The following MROH1 variants were observed in gnomAD, a reference collection of about 807,000 sequenced individuals.
MROH1 encodes maestro heat-like repeat-containing protein family member 1.
In MROH1, 117 loss-of-function variants were observed where a neutral mutation model predicts 116.5. That is an observed-to-expected ratio of 1.00 (90% confidence interval 0.86 to 1.17). The LOEUF (loss-of-function observed/expected upper bound fraction) is 1.17. MROH1 is among the 50% of genes most tolerant of loss of function. The pLI is 0.00. For synonymous variants in MROH1, 921 were observed against 583.9 expected (o/e 1.58, Z -8.32); for missense variants, 1,873 against 1,338.5 (o/e 1.40, Z -6.23).
chr8:144,162,473 G>C (rs1161173769), intron 2 of MROH1, among the ~76,000 whole-genome samples: 2 of 150,744 alleles, frequency 1.3e-5, no homozygotes, highest in Non-Finnish European at 3.0e-5. Flanking sequence ...TCGGTTCACT[G>C]TAACCTCCGC....
At chr8:144,164,399 G>A (rs116559383) in intron 3 of MROH1, among the ~76,000 whole-genome samples, 5,690 of 146,722 alleles carry the variant, frequency 0.039, 148 homozygotes, top group Non-Finnish European at 0.061. Context: ...AGTGAGACTC[G>A]GTCCCCCCAA....
chr8:144,227,388 C>T (rs1217700404), intron 14 of MROH1, among the ~76,000 whole-genome samples: 1 of 152,166 alleles, frequency 6.6e-6, no homozygotes, highest in Non-Finnish European at 1.5e-5. Context: ...GTAATCCCAG[C>T]ACTTTGGGAG....
At position 144,180,214 on chromosome 8, in the gene MROH1, G is replaced by T; in HGVS notation, c.337G>T (p.Val113Phe). The T allele has an allele frequency of 1.2e-6, 2 of 1,613,800 alleles. No homozygotes were observed. Among genetic ancestry groups the T allele is most frequent in the Non-Finnish European group, 1.7e-6 (2 of 1,179,854 alleles). Residue 113 changes from valine (V) to phenylalanine (F), a missense_variant, in exon 6 of 44, where the codon GTC becomes TTC. Val to Phe is a conservative substitution (Grantham distance 50). Coordinates refer to ENST00000326134, the MANE Select transcript of MROH1 (RefSeq NM_032450.3). This position sits in a 1 kb window ranked among gnomAD's most constrained non-coding sequence, Gnocchi z 7.4. ...GGACTGGCAGCAGGCGGCGAGTGGC[G>T]TCCTGGTGGCCGTGGGAAGACAGTT... The part of the protein sequence containing the change: ...VWDWQQAASG[V>F]LVAVGRQFIS...
rs187087940 is a variant in MROH1 at position 144,190,979 on chromosome 8, C to G, written c.714+44C>G. 190 of 1,569,088 alleles carry G rather than the reference C, an allele frequency of 1.2e-4. 1 individual carries two copies. The East Asian group carries it at 2.8e-3, about 23-fold the overall frequency. ...TCAGTCCACGCCTGATGCCAGGGCT[C>G]TCTCCTCCCCACATTCCCTGCCCGT... On this transcript the variant is annotated intron_variant, in intron 8 of 43. Coordinates refer to ENST00000326134, the MANE Select transcript of MROH1 (RefSeq NM_032450.3).
At chr8:144,169,221 C>A (rs1380456612) in intron 4 of MROH1, among the ~76,000 whole-genome samples, 9 of 152,102 alleles carry the variant, frequency 5.9e-5, no homozygotes, top group Non-Finnish European at 1.2e-4. Flanking sequence ...ATCAAAAGGC[C>A]ATTATTCTTT....
chr8:144,190,604 A>G (rs912161713), intron 7 of MROH1, among the ~76,000 whole-genome samples, 180 bp from the exon 8 acceptor site: 3 of 152,174 alleles, frequency 2.0e-5, no homozygotes, highest in African/African-American at 4.8e-5. Flanking sequence ...CAATAAGGCC[A>G]TGAATTTGGA....
rs1841391940 is a variant in MROH1, at chr8:144,243,635, T to C, written c.2475+19T>C. 6 of 777,384 alleles carry C rather than the reference T, an allele frequency of 7.7e-6. No homozygotes were observed. The highest frequency in any genetic ancestry group is 1.4e-5 in the Non-Finnish European group (6 of 417,568). The allele number at this position is 777,384 out of a possible 1,614,324, so 48.2% of individuals were successfully genotyped here. On this transcript the variant is annotated intron_variant, in intron 25 of 43. Coordinates refer to ENST00000326134, the MANE Select transcript of MROH1 (RefSeq NM_032450.3). ...GATGATGGTGAGCGTGGCCGTGGCCTGGCAGGTCCTCAGGCAGGTTCCTGG... is the reference window on the plus strand; with the variant it reads ...GATGATGGTGAGCGTGGCCGTGGCCCGGCAGGTCCTCAGGCAGGTTCCTGG...
rs6558308 is a variant in MROH1, at chr8:144,168,596, G to T, written c.168+156G>T. ...CCCCTCCACACGTGCCTATGTCAGG[G>T]TGGGTAACCTGCCTTGTCTCATCAT... On this transcript the variant is annotated intron_variant, in intron 4 of 43. Transcript: ENST00000326134. Among the ~76,000 whole-genome samples, 434 of 152,242 alleles carry T rather than the reference G, an allele frequency of 2.9e-3. 3 individuals are homozygous for T. The highest frequency in any genetic ancestry group is 0.01 in the African/African-American group (422 of 41,548).
At chr8:144,208,480 C>T (rs1476047268) in intron 12 of MROH1, among the ~76,000 whole-genome samples, 1 of 151,330 alleles carries the variant, frequency 6.6e-6, no homozygotes, top group Non-Finnish European at 1.5e-5. Context: ...TGTCTGTATC[C>T]CTATATCCCC....
chr8:144,246,422 G>A (rs1841934260), intron 29 of MROH1, among the ~76,000 whole-genome samples: 1 of 151,944 alleles, frequency 6.6e-6, no homozygotes. Context: ...GAGCCACCGC[G>A]CCCTGCCGAA....
chr8:144,240,675 A>G lies in MROH1; in HGVS notation c.1933A>G (p.Lys645Glu). 2 of 716,326 alleles carry G rather than the reference A, an allele frequency of 2.8e-6. No homozygotes were observed. Among genetic ancestry groups the G allele is most frequent in the Non-Finnish European group, 5.2e-6 (2 of 384,892 alleles). The allele number at this position is 716,326 out of a possible 1,614,324, so 44.4% of individuals were successfully genotyped here. A position where few individuals can be genotyped will look rare whatever the true frequency, so the allele number is the denominator to read the frequency against. ...CTGCTACGATGAGGCACCCCAGGAG[A>G]AGGTGGGGCACCTGCTGGCGTTCTT... ...LPCYDEAPQE[K>E]NFLYKCIGTT... Residue 645 changes from lysine to glutamate, a missense_variant and splice_region_variant, in exon 20 of 44, where the codon AAG (lysine) becomes GAG (glutamate). Lys to Glu is a moderately conservative substitution (Grantham distance 56, BLOSUM62 1). Transcript: ENST00000326134.
At chr8:144,228,306 C>T (rs967237293) in intron 14 of MROH1, among the ~76,000 whole-genome samples, 1 of 152,172 alleles carries the variant, frequency 6.6e-6, no homozygotes, top group Non-Finnish European at 1.5e-5. Context: ...AAGCAATGTA[C>T]ATGCCTTAAC....
chr8:144,206,962 G>A (rs929303267), intron 12 of MROH1, among the ~76,000 whole-genome samples: 5 of 150,902 alleles, frequency 3.3e-5, no homozygotes, highest in Admixed American at 6.6e-5. Flanking sequence ...GAACCCGGGC[G>A]GCAGAGGTTG....
chr8:144,192,358 T>C lies in MROH1; in HGVS notation c.905T>C (p.Leu302Pro). ...GCTGTGAGTGTGGGCAGCCGCACACTGGAGACCCAGCTGGATGCCCTCTTG... is the reference window on the plus strand; with the variant it reads ...GCTGTGAGTGTGGGCAGCCGCACACCGGAGACCCAGCTGGATGCCCTCTTG... ...EAAVSVGSRT[L>P]ETQLDALLAA... Residue 302 changes from leucine to proline, a missense_variant, in exon 10 of 44, where the codon CTG (leucine) becomes CCG (proline). By Grantham distance (98) the Leu-to-Pro change is moderately conservative. Coordinates refer to ENST00000326134, the MANE Select transcript of MROH1 (RefSeq NM_032450.3). 1 of 1,600,420 alleles carries C rather than the reference T, an allele frequency of 6.2e-7. No individual in the cohort carries two copies. The highest frequency in any genetic ancestry group is 8.5e-7 in the Non-Finnish European group (1 of 1,176,384).
chr8:144,215,734 G>A lies in MROH1; in HGVS notation c.1142-4866G>A, dbSNP rs190641227. Reference sequence around the variant, plus strand: ...AAAATACAATGAAAATTAGCCGGGCGTGGTGGCGGGCACCTGTAGTCCCAG... The same window carrying A: ...AAAATACAATGAAAATTAGCCGGGCATGGTGGCGGGCACCTGTAGTCCCAG... On this transcript the variant is annotated intron_variant, in intron 12 of 43. Coordinates refer to ENST00000326134, the MANE Select transcript of MROH1 (RefSeq NM_032450.3). 8.6e-4 allele frequency among the ~76,000 whole-genome samples: 130 copies of A among 151,996 alleles called. No homozygotes were observed. In the South Asian group the frequency reaches 0.012, roughly 14 times the overall value.
chr8:144,197,441 T>TTTTC (rs1404298663), intron 10 of MROH1, among the ~76,000 whole-genome samples: 1 of 123,670 alleles, frequency 8.1e-6, no homozygotes, highest in African/African-American at 3.2e-5. Flanking sequence ...TTTTTTTTTT[T>TTTTC]TTTTTTTTTT....
chr8:144,240,464 G>T, intron 19 of MROH1, 106 bp from the exon 20 acceptor site: 3 of 702,148 alleles, frequency 4.3e-6, no homozygotes, highest in Non-Finnish European at 7.8e-6. Flanking sequence ...CCGCTGGAAG[G>T]CGGTCTGCAG....
intron 14 of MROH1, among the ~76,000 whole-genome samples, chr8:144,232,755 A>T (rs552654679): frequency 1.3e-5 from 2 of 151,868 alleles, no homozygotes; most frequent in East Asian, 3.9e-4. Context: ...GGCCTCCCAA[A>T]GTGCTGGGAT....
chr8:144,250,189 C>T, intron 32 of MROH1, 23 bp from the exon 33 acceptor site: 1 of 761,980 alleles, frequency 1.3e-6, no homozygotes. Flanking sequence ...GTGGCCTGAC[C>T]ACCGTGTCCC....
Sources: allele counts gnomAD v4.1 joint callset (sites outside exome capture counted in the v4.1 genomes callset), GRCh38; gene constraint gnomAD v4.1.1; non-coding constraint Gnocchi (gnomAD v3.1); transcripts MANE v1.5; gene names NCBI Gene and HGNC (gene_info 2026-07-23, HGNC 2026-07-21).